The following ADCK2 variants were observed in gnomAD, a reference collection of about 807,000 sequenced individuals.
ADCK2 encodes uncharacterized aarF domain-containing protein kinase 2.
ADCK2 carries 37 observed loss-of-function variants against 52.3 expected under a neutral mutation model. That is an observed-to-expected ratio of 0.71 (90% CI 0.54 to 0.93). ADCK2 has a LOEUF of 0.93. ADCK2 is among the 40% of genes least tolerant of loss of function. The pLI is 0.00. For synonymous variants in ADCK2, 321 were observed against 349.2 expected, an observed-to-expected ratio of 0.92 and a Z score of 0.90; for missense variants, 695 against 798.7, an observed-to-expected ratio of 0.87 and a Z score of 1.56.
At position 140,674,705 on chromosome 7, in the gene ADCK2, G is replaced by A. The variant is rs1794367805; in HGVS notation, c.1028G>A (p.Trp343Ter). 9 of 1,614,150 alleles carry A rather than the reference G, an allele frequency of 5.6e-6. No homozygotes were observed. The highest frequency in any genetic ancestry group is 7.6e-6 in the Non-Finnish European group (9 of 1,180,022). ...RVLGVLPGIK[W>*]LSLPEIVEEF... ...CTGGGAGTTTTGCCAGGCATCAAGT[G>A]GCTTAGCTTGCCTGAGATTGTGGAG... The change falls in exon 2 of 8, where the codon TGG (tryptophan) becomes TAG (stop). Residue 343 changes from tryptophan (W) to a stop codon, truncating the protein, a stop_gained. Transcript: ENST00000072869. LOFTEE classifies it high-confidence loss of function. The surrounding 1 kb of genome is among the most constrained non-coding windows in gnomAD (Gnocchi z 4.6).
At chr7:140,692,673 T>C (rs955052694) in intron 7 of ADCK2, among the ~76,000 whole-genome samples, 8 of 152,260 alleles carry the variant, frequency 5.3e-5, no homozygotes, top group African/African-American at 1.9e-4. Context: ...ATTCTGTTGA[T>C]GCTGTTGATG....
At position 140,678,781 on chromosome 7, in the gene ADCK2, C is replaced by T. The variant is rs771973880; in HGVS notation, c.1081-374C>T. ...GCCCTGTGTGGAAGCGCCCACAGCA[C>T]GCTGGCCCTAATGGAAAGAGAGGGC... On this transcript the variant is annotated intron_variant, in intron 2 of 7. Coordinates refer to ENST00000072869, the MANE Select transcript of ADCK2 (RefSeq NM_052853.4). This position sits in a 1 kb window ranked among gnomAD's most constrained non-coding sequence, Gnocchi z 4.9. Among the ~76,000 whole-genome samples, 21 of 152,110 alleles carry T rather than the reference C, an allele frequency of 1.4e-4. No homozygotes were observed. The highest frequency in any genetic ancestry group is 1.0e-3 in the Admixed American group (16 of 15,278).
chr7:140,686,083 G>A (rs756000398), intron 4 of ADCK2, among the ~76,000 whole-genome samples: 5 of 152,196 alleles, frequency 3.3e-5, no homozygotes, highest in Non-Finnish European at 7.3e-5. Context: ...TGAAGTAACG[G>A]AGGGAAAGTC....
At chr7:140,677,546 T>G (rs534383951) in intron 2 of ADCK2, among the ~76,000 whole-genome samples, 2 of 152,356 alleles carry the variant, frequency 1.3e-5, no homozygotes, top group East Asian at 3.9e-4. Context: ...CATTATTCCC[T>G]TAACAATGCA....
intron 2 of ADCK2, among the ~76,000 whole-genome samples, chr7:140,677,058 A>AAAC (rs1188479231): frequency 2.1e-4 from 29 of 138,140 alleles, no homozygotes; most frequent in Non-Finnish European, 2.4e-4. Context: ...AACAAACAAA[A>AAAC]AACTCTGTTA....
In ADCK2 at chr7:140,673,684, C is replaced by G. The variant is rs200557441; in HGVS notation, c.354C>G (p.Pro118=). ...VKFFPLLLLY[P]LTYLAPSVST... ...TCTTCCCCCTCCTACTCCTCTACCC[C>G]CTCACCTACCTGGCTCCCAGCGTCT... is the stretch of plus-strand genomic sequence containing the variant. Residue 118 remains proline (P), a synonymous_variant, in exon 1 of 8, where the codon CCC becomes CCG. Coordinates refer to ENST00000072869, the MANE Select transcript of ADCK2 (RefSeq NM_052853.4). This position sits in a 1 kb window ranked among gnomAD's most constrained non-coding sequence, Gnocchi z 6.4. 80 of 1,611,724 alleles carry G rather than the reference C, an allele frequency of 5.0e-5. No homozygotes were observed. The highest frequency in any genetic ancestry group is 2.5e-4 in the East Asian group (11 of 44,850).
intron 7 of ADCK2, among the ~76,000 whole-genome samples, chr7:140,691,227 A>G (rs2907952): frequency 0.052 from 7,938 of 152,228 alleles, 251 homozygotes; most frequent in Non-Finnish European, 0.07. Context: ...TGCCCGGCCT[A>G]TTATATATTT....
chr7:140,687,513 G>C (rs943204665), intron 5 of ADCK2, among the ~76,000 whole-genome samples: 9 of 152,036 alleles, frequency 5.9e-5, no homozygotes, highest in Non-Finnish European at 7.4e-5. Context: ...TCAGGGGTTC[G>C]AGACCAGCCT....
At position 140,674,205 on chromosome 7, in the gene ADCK2, G is replaced by A. The variant is rs375652254; in HGVS notation, c.875G>A (p.Arg292Gln). 6.2e-6 allele frequency: 10 copies of A among 1,613,920 alleles called. No individual in the cohort carries two copies. In the East Asian group the frequency reaches 1.8e-4, roughly 29 times the overall value. ...GTTGGATCAAATGCAGGGGTGTCTC[G>A]GGCTCAGGTCCCTGGCCACCAACCT... ...DLVGSNAGVS[R>Q]AQVPGHQPEA... Residue 292 changes from arginine to glutamine, a missense_variant, in exon 1 of 8, where the codon CGG (arginine) becomes CAG (glutamine). Arg to Gln is a conservative substitution (Grantham distance 43, BLOSUM62 1). Coordinates refer to ENST00000072869, the MANE Select transcript of ADCK2 (RefSeq NM_052853.4). The surrounding 1 kb of genome is among the most constrained non-coding windows in gnomAD (Gnocchi z 4.6).
intron 4 of ADCK2, among the ~76,000 whole-genome samples, chr7:140,685,174 C>T (rs1445961118): frequency 6.6e-6 from 1 of 152,070 alleles, no homozygotes; most frequent in East Asian, 1.9e-4. Flanking sequence ...CTAGGCCAGG[C>T]ATGGTGGCTC....
chr7:140,683,996 A>G (rs1389090008), intron 4 of ADCK2, among the ~76,000 whole-genome samples: 1 of 152,132 alleles, frequency 6.6e-6, no homozygotes, highest in Non-Finnish European at 1.5e-5. Flanking sequence ...ATGGGAGAGG[A>G]GGTTTAAAGA....
chr7:140,681,166 C>T (rs537370338), intron 4 of ADCK2, 29 bp downstream of exon 4: 1 of 1,607,198 alleles, frequency 6.2e-7, no homozygotes, highest in Non-Finnish European at 8.5e-7. Flanking sequence ...CGGGCTCAGG[C>T]CCAGCATGTG....
At position 140,674,365 on chromosome 7, in the gene ADCK2, A is replaced by C. The variant is rs1794354977; in HGVS notation, c.933+102A>C. On this transcript the variant is annotated intron_variant, in intron 1 of 7. Coordinates refer to ENST00000072869, the MANE Select transcript of ADCK2 (RefSeq NM_052853.4). This position sits in a 1 kb window ranked among gnomAD's most constrained non-coding sequence, Gnocchi z 4.6. ...CCCCACGTTTATTTCTATTTGCCTG[A>C]CCAATATCTGAGTGCTTATTTCATG... 4 of 1,301,764 alleles carry C rather than the reference A, an allele frequency of 3.1e-6. No individual in the cohort carries two copies. Among genetic ancestry groups the C allele is most frequent in the Non-Finnish European group, 4.2e-6 (4 of 959,460 alleles). The allele number at this position is 1,301,764 out of a possible 1,614,324, so 80.6% of individuals were successfully genotyped here. A position where few individuals can be genotyped will look rare whatever the true frequency, so the allele number is the denominator to read the frequency against.
chr7:140,677,278 C>T (rs1585843244), intron 2 of ADCK2, among the ~76,000 whole-genome samples: 1 of 152,062 alleles, frequency 6.6e-6, no homozygotes, highest in East Asian at 1.9e-4. Context: ...CATGGTGGCA[C>T]ACGCTTGTAA....
In ADCK2 at chr7:140,678,776, C is replaced by T. The variant is rs1409352768; in HGVS notation, c.1081-379C>T. Among the ~76,000 whole-genome samples the T allele has an allele frequency of 6.6e-6, 1 of 152,150 alleles. No homozygotes were observed. The highest frequency in any genetic ancestry group is 2.4e-5 in the African/African-American group (1 of 41,432). Reference sequence around the variant, plus strand: ...GGGTAGCCCTGTGTGGAAGCGCCCACAGCACGCTGGCCCTAATGGAAAGAG... The same window carrying T: ...GGGTAGCCCTGTGTGGAAGCGCCCATAGCACGCTGGCCCTAATGGAAAGAG... On this transcript the variant is annotated intron_variant, in intron 2 of 7. Transcript: ENST00000072869. The surrounding 1 kb of genome is among the most constrained non-coding windows in gnomAD (Gnocchi z 4.9).
intron 4 of ADCK2, among the ~76,000 whole-genome samples, chr7:140,683,063 G>A (rs1375510856): frequency 1.3e-5 from 2 of 150,942 alleles, no homozygotes; most frequent in African/African-American, 2.4e-5. Flanking sequence ...AGCACTTTGG[G>A]AGGCCGAGGC....
chr7:140,683,170 G>A (rs1794547152), intron 4 of ADCK2, among the ~76,000 whole-genome samples: 7 of 152,078 alleles, frequency 4.6e-5, no homozygotes, highest in Admixed American at 4.6e-4. Flanking sequence ...ACGTGGTGGT[G>A]CATGCCTGTA....
At chr7:140,679,333 T>G in intron 3 of ADCK2, 50 bp downstream of exon 3, 1 of 1,605,644 alleles carries the variant, frequency 6.2e-7, no homozygotes, top group Non-Finnish European at 8.5e-7. Flanking sequence ...CCACTCGCAG[T>G]GGGCCCGTCT....
In ADCK2 at chr7:140,674,796, A is replaced by G. The variant is rs185481784; in HGVS notation, c.1080+39A>G. The G allele has an allele frequency of 1.3e-6, 2 of 1,593,344 alleles. No homozygotes were observed. Among genetic ancestry groups the G allele is most frequent in the East Asian group, 2.3e-5 (1 of 44,416 alleles). ...CCCTCAGCTGTAAATAGCACCTAAC[A>G]TAGTTCTTGCCATTAGCTGCTACTT... On this transcript the variant is annotated intron_variant, in intron 2 of 7. Coordinates refer to ENST00000072869, the MANE Select transcript of ADCK2 (RefSeq NM_052853.4). The surrounding 1 kb of genome is among the most constrained non-coding windows in gnomAD (Gnocchi z 4.6).
Sources: gnomAD v4.1 joint callset for allele counts (sites outside exome capture counted in the v4.1 genomes callset) on GRCh38, gnomAD v4.1.1 for gene constraint, Gnocchi (gnomAD v3.1) non-coding constraint, MANE v1.5 for transcripts, NCBI Gene and HGNC (gene_info 2026-07-23, HGNC 2026-07-21) for gene names.